Variants in ATP2C2 observed in about 807,000 individuals in gnomAD.
ATP2C2 encodes ATPase secretory pathway Ca2+ transporting 2.
Under a neutral mutation model 110.8 loss-of-function variants are expected in ATP2C2, and 171 were observed. The ratio of observed to expected loss-of-function variants is 1.54; its 90% CI spans 1.36 to 1.75. The LOEUF is 1.75. Ranked by LOEUF, ATP2C2 falls within the 40% of genes most tolerant of loss-of-function variation. The pLI is 0.00. For missense variants in ATP2C2, 1,963 were observed against 1,235.0 expected (o/e 1.59, Z -8.84); for synonymous variants, 804 against 508.4 (o/e 1.58, Z -7.82).
chr16:84,399,168 G>C (rs748950263), intron 2 of ATP2C2, among the ~76,000 whole-genome samples: 2 of 152,226 alleles, frequency 1.3e-5, no homozygotes. Context: ...GCGTGCACGT[G>C]CATACTCAGA....
chr16:84,370,957 C>T (rs943419479), intron 1 of ATP2C2, among the ~76,000 whole-genome samples: 4 of 152,156 alleles, frequency 2.6e-5, no homozygotes, highest in South Asian at 2.1e-4. Context: ...AGTGGGGCCA[C>T]GTTTGTTTGC....
intron 11 of ATP2C2, among the ~76,000 whole-genome samples, chr16:84,434,027 G>A (rs1016070633): frequency 6.6e-6 from 1 of 152,192 alleles, no homozygotes; most frequent in Non-Finnish European, 1.5e-5. Flanking sequence ...GAAAGCCACT[G>A]AGTCAGAAGG....
intron 11 of ATP2C2, among the ~76,000 whole-genome samples, chr16:84,433,819 C>G (rs1356901954): frequency 6.6e-6 from 1 of 152,128 alleles, no homozygotes; most frequent in Non-Finnish European, 1.5e-5. Context: ...GGCTTCTGTG[C>G]TCAAGCCCCA....
At chr16:84,429,430 G>C (rs1055181473) in intron 11 of ATP2C2, among the ~76,000 whole-genome samples, 3 of 152,238 alleles carry the variant, frequency 2.0e-5, no homozygotes, top group African/African-American at 7.2e-5. Context: ...TGGGATTACA[G>C]GTGTGAGCCA....
chr16:84,380,153 T>C (rs1274323622), intron 1 of ATP2C2, among the ~76,000 whole-genome samples: 1 of 152,138 alleles, frequency 6.6e-6, no homozygotes, highest in East Asian at 1.9e-4. Flanking sequence ...GAGGTGCCTG[T>C]TCCCCAGGGA....
intron 14 of ATP2C2, 40 bp downstream of exon 14, chr16:84,440,998 A>G (rs748429676): frequency 2.0e-6 from 3 of 1,497,260 alleles, no homozygotes; most frequent in Non-Finnish European, 2.8e-6. Flanking sequence ...AGGCATTTAC[A>G]TTGAGGCTTC....
rs900169067 is a variant in ATP2C2, at chr16:84,462,081, A to G, written c.2674A>G (p.Ile892Val). The G allele has an allele frequency of 8.1e-6, 13 of 1,613,696 alleles. No homozygotes were observed. The highest frequency in any genetic ancestry group is 1.1e-5 in the Non-Finnish European group (13 of 1,179,914). ...SILGQLAVIY[I>V]PPLQRVFQTE... ...CCTGGGGCAGCTGGCGGTCATTTAC[A>G]TCCCCCCGCTGCAGAGGGTCTTCCA... Residue 892 changes from isoleucine (I) to valine (V), a missense_variant, in exon 26 of 27, where the codon ATC (isoleucine) becomes GTC (valine). By Grantham distance (29) the Ile-to-Val change is conservative (BLOSUM62 3). Transcript: ENST00000262429.
chr16:84,453,418 A>C (rs1407359648), intron 20 of ATP2C2, 47 bp downstream of exon 20: 6 of 1,610,168 alleles, frequency 3.7e-6, no homozygotes, highest in Non-Finnish European at 4.3e-6. Flanking sequence ...GGGCCGGGCC[A>C]GAGACACTGT....
chr16:84,404,209 C>A (rs1369264466), intron 2 of ATP2C2, among the ~76,000 whole-genome samples: 3 of 152,202 alleles, frequency 2.0e-5, no homozygotes, highest in African/African-American at 7.2e-5. Flanking sequence ...TCATTCCTTC[C>A]CCCAGATTAT....
intron 1 of ATP2C2, among the ~76,000 whole-genome samples, chr16:84,389,547 A>C (rs1904523845): frequency 6.6e-6 from 1 of 152,158 alleles, no homozygotes; most frequent in Admixed American, 6.5e-5. Flanking sequence ...GTGCAAAGGT[A>C]ACTGGCATCT....
intron 1 of ATP2C2, among the ~76,000 whole-genome samples, chr16:84,384,384 G>A (rs546222442): frequency 3.3e-5 from 5 of 152,090 alleles, no homozygotes; most frequent in Non-Finnish European, 7.4e-5. Flanking sequence ...ATGTTTCCTC[G>A]GGATTTGGCT....
At chr16:84,404,878 C>G (rs1309807058) in intron 2 of ATP2C2, 2 of 568,482 alleles carry the variant, frequency 3.5e-6, no homozygotes, top group Non-Finnish European at 6.7e-6. Flanking sequence ...TGCTGCATTT[C>G]CATTTGTTGA....
chr16:84,415,965 G>T (rs995879649), intron 7 of ATP2C2, among the ~76,000 whole-genome samples: 1 of 152,156 alleles, frequency 6.6e-6, no homozygotes, highest in Non-Finnish European at 1.5e-5. Flanking sequence ...ATCACTTAAG[G>T]TCAGGAGTTC....
intron 18 of ATP2C2, 91 bp downstream of exon 18, chr16:84,452,182 C>A: frequency 6.7e-7 from 1 of 1,503,016 alleles, no homozygotes; most frequent in Non-Finnish European, 9.1e-7. Flanking sequence ...TCCGCAAACT[C>A]GGTCAGGAGT....
intron 1 of ATP2C2, among the ~76,000 whole-genome samples, chr16:84,371,640 C>T (rs1444568479): frequency 6.6e-6 from 1 of 152,202 alleles, no homozygotes; most frequent in East Asian, 1.9e-4. Flanking sequence ...GGTGACTCAG[C>T]GCCAACTCCG....
At chr16:84,448,750 G>T in intron 17 of ATP2C2, 61 bp downstream of exon 17, 1 of 1,548,010 alleles carries the variant, frequency 6.5e-7, no homozygotes, top group Non-Finnish European at 8.7e-7. Context: ...ACTTTTAAGT[G>T]CATTCAAGCA....
At chr16:84,403,547 A>G (rs190880225) in intron 2 of ATP2C2, among the ~76,000 whole-genome samples, 14 of 152,240 alleles carry the variant, frequency 9.2e-5, no homozygotes, top group South Asian at 2.1e-4. Flanking sequence ...GGTTCAAGCA[A>G]TCTCCCCACC....
intron 7 of ATP2C2, 75 bp downstream of exon 7, chr16:84,415,666 G>T: frequency 8.3e-7 from 1 of 1,200,164 alleles, no homozygotes. Flanking sequence ...GCTAATTGTA[G>T]GCATGTATAG....
intron 6 of ATP2C2, among the ~76,000 whole-genome samples, chr16:84,411,732 G>A (rs1906312951): frequency 6.6e-6 from 1 of 152,126 alleles, no homozygotes; most frequent in African/African-American, 2.4e-5. Flanking sequence ...GTGAGCCACC[G>A]TGCCCGGCCG....
Sources: gnomAD v4.1 joint callset for allele counts (sites outside exome capture counted in the v4.1 genomes callset) on GRCh38, gnomAD v4.1.1 for gene constraint, MANE v1.5 for transcripts, NCBI Gene and HGNC (gene_info 2026-07-23, HGNC 2026-07-21) for gene names.